Variants in DAB2IP observed in about 807,000 individuals in gnomAD.
DAB2IP encodes disabled homolog 2-interacting protein.
A neutral mutation model predicts 107.2 loss-of-function variants in DAB2IP; 28 were observed. The observed-to-expected ratio is 0.26, with a 90% CI of 0.19 to 0.36. The LOEUF (loss-of-function observed/expected upper bound fraction) is 0.36. DAB2IP is among the 10% of genes least tolerant of loss of function. DAB2IP has a pLI of 1.00. For synonymous variants in DAB2IP, 755 were observed against 706.4 expected, an observed-to-expected ratio of 1.07 and a Z score of -1.09; for missense variants, 1,400 against 1,644.7, an observed-to-expected ratio of 0.85 and a Z score of 2.57.
At chr9:121,623,607 G>A (rs1831547939) in intron 1 of DAB2IP, among the ~76,000 whole-genome samples, 1 of 152,100 alleles carries the variant, frequency 6.6e-6, no homozygotes. Flanking sequence ...GGCCTCAAGC[G>A]GTCCACCCAC....
At chr9:121,745,781 C>T (rs1832681801) in intron 3 of DAB2IP, among the ~76,000 whole-genome samples, 1 of 152,202 alleles carries the variant, frequency 6.6e-6, no homozygotes, top group African/African-American at 2.4e-5. Context: ...GCCCAGTGCT[C>T]CTTCCCTTCA....
chr9:121,683,509 A>G lies in DAB2IP; in HGVS notation c.228+4728A>G, dbSNP rs569392326. Among the ~76,000 whole-genome samples the G allele has an allele frequency of 2.1e-3, 316 of 152,244 alleles. 6 individuals carry two copies. In the South Asian group the frequency reaches 0.028, roughly 14 times the overall value. ...CCTCCTCGGGAAGTTGAAAGTGGAG[A>G]GTCGTGTTTGAAGGTTTAGCTGAAA... On this transcript the variant is annotated intron_variant, in intron 2 of 15. Transcript: ENST00000408936.
chr9:121,735,267 G>A (rs1175811667), intron 3 of DAB2IP, among the ~76,000 whole-genome samples: 1 of 152,142 alleles, frequency 6.6e-6, no homozygotes, highest in Admixed American at 6.5e-5. Flanking sequence ...CGCCTGGCCT[G>A]TGTGCACGGC....
chr9:121,715,172 C>T (rs1444188729), intron 3 of DAB2IP, among the ~76,000 whole-genome samples: 1 of 152,086 alleles, frequency 6.6e-6, no homozygotes, highest in Non-Finnish European at 1.5e-5. Context: ...AAGGACCTTG[C>T]TCCTGCAGGG....
chr9:121,758,877 T>C, intron 4 of DAB2IP, 21 bp from the exon 5 acceptor site: 1 of 1,608,956 alleles, frequency 6.2e-7, no homozygotes, highest in Non-Finnish European at 8.5e-7. Flanking sequence ...CTCATAACAC[T>C]GTCTTGCCTG....
chr9:121,679,025 A>G (rs1158555672), intron 2 of DAB2IP, among the ~76,000 whole-genome samples: 1 of 152,132 alleles, frequency 6.6e-6, no homozygotes, highest in African/African-American at 2.4e-5. Flanking sequence ...GACAGACAGC[A>G]CCGAAGGCTA....
chr9:121,708,145 T>C (rs543508354), intron 3 of DAB2IP, among the ~76,000 whole-genome samples: 1 of 152,358 alleles, frequency 6.6e-6, no homozygotes, highest in South Asian at 2.1e-4. Context: ...GCCCCAGCTG[T>C]GTGCTAGTGA....
chr9:121,757,106 G>A, exon 4 of DAB2IP: 4 of 1,614,228 alleles, frequency 2.5e-6, no homozygotes, highest in Non-Finnish European at 3.4e-6. Context: ...TCAGCATGGA[G>A]GAAGAGGTGG....
At chr9:121,737,434 G>A (rs1018131069) in intron 3 of DAB2IP, 9 of 985,288 alleles carry the variant, frequency 9.1e-6, no homozygotes, top group East Asian at 1.1e-4. Context: ...CGTGCCTTTC[G>A]GGAAGGGGAA....
At chr9:121,585,258 A>G (rs1224978264) in intron 1 of DAB2IP, among the ~76,000 whole-genome samples, 8 of 152,184 alleles carry the variant, frequency 5.3e-5, no homozygotes, top group Non-Finnish European at 1.2e-4. Context: ...AGGCTGAACA[A>G]TTCCTGGTGG....
At chr9:121,588,976 C>G (rs1286031055) in intron 1 of DAB2IP, among the ~76,000 whole-genome samples, 3 of 151,942 alleles carry the variant, frequency 2.0e-5, no homozygotes, top group Non-Finnish European at 4.4e-5. Flanking sequence ...CCCTACCCCC[C>G]ACCAAACCCA....
intron 1 of DAB2IP, among the ~76,000 whole-genome samples, chr9:121,676,315 T>C (rs1833901744): frequency 6.6e-6 from 1 of 152,222 alleles, no homozygotes; most frequent in Admixed American, 6.5e-5. Flanking sequence ...GCCTGCTCCT[T>C]GTGTGAACCC....
At chr9:121,678,005 A>G (rs1828358294) in intron 1 of DAB2IP, among the ~76,000 whole-genome samples, 1 of 152,228 alleles carries the variant, frequency 6.6e-6, no homozygotes, top group Non-Finnish European at 1.5e-5. Context: ...TATGTAAAAC[A>G]TAAAAGTTAT....
rs754909939 is a variant in DAB2IP, at chr9:121,759,005, G to C, written c.615+9G>C. On this transcript the variant is annotated intron_variant, in intron 5 of 15. Coordinates refer to ENST00000408936, the Ensembl canonical transcript of DAB2IP. ...CGGTGCATCCCAACAAGGTAAGCCT[G>C]CGCCCCTCTCACCAAAGCATGGGGG... 42 of 1,607,644 alleles carry C rather than the reference G, an allele frequency of 2.6e-5. 1 individual carries two copies. Among genetic ancestry groups the C allele is most frequent in the South Asian group, 1.3e-4 (12 of 89,204 alleles).
intron 1 of DAB2IP, among the ~76,000 whole-genome samples, chr9:121,570,861 G>A (rs1382123126): frequency 6.6e-6 from 1 of 152,034 alleles, no homozygotes; most frequent in East Asian, 1.9e-4. Flanking sequence ...TTCTGGGACA[G>A]GCTGCTCTCG....
intron 1 of DAB2IP, among the ~76,000 whole-genome samples, chr9:121,674,972 A>C (rs1418339003): frequency 2.0e-5 from 3 of 152,100 alleles, no homozygotes; most frequent in Non-Finnish European, 2.9e-5. Flanking sequence ...GGTGATCCCA[A>C]GACCCCTGTG....
chr9:121,760,593 G>A lies in DAB2IP; in HGVS notation c.1170+154G>A, dbSNP rs762390849. ...CCTAAACCCAAAAGTTCTATCGTGG[G>A]CTGGGGGTTTTGTACTCCTGCTCTG... is the stretch of plus-strand genomic sequence containing the variant. On this transcript the variant is annotated intron_variant, in intron 6 of 15. Coordinates refer to ENST00000408936, the Ensembl canonical transcript of DAB2IP. This position sits in a 1 kb window ranked among gnomAD's most constrained non-coding sequence, Gnocchi z 5.9. Among the ~76,000 whole-genome samples, 23 of 152,170 alleles carry A rather than the reference G, an allele frequency of 1.5e-4. No homozygotes were observed. Among genetic ancestry groups the A allele is most frequent in the Non-Finnish European group, 3.1e-4 (21 of 68,026 alleles).
chr9:121,630,962 A>G (rs1831855173), intron 1 of DAB2IP, among the ~76,000 whole-genome samples: 1 of 152,204 alleles, frequency 6.6e-6, no homozygotes, highest in Admixed American at 6.5e-5. Flanking sequence ...ACCTTACTAG[A>G]GCCCAAAGGG....
exon 16 of DAB2IP, chr9:121,783,836 CAGAT>C: frequency 2.0e-6 from 1 of 508,568 alleles, no homozygotes; most frequent in Non-Finnish European, 3.5e-6. Context: ...ACTTTCAAGA[CAGAT>C]GAGCAGGAGC....
Sources: allele counts gnomAD v4.1 joint callset (sites outside exome capture counted in the v4.1 genomes callset), GRCh38; gene constraint gnomAD v4.1.1; non-coding constraint Gnocchi (gnomAD v3.1); transcripts MANE v1.5; gene names NCBI Gene and HGNC (gene_info 2026-07-23, HGNC 2026-07-21).